The following LRMDA variants were observed in gnomAD, a reference collection of about 807,000 sequenced individuals.
LRMDA encodes leucine-rich melanocyte differentiation-associated protein.
A neutral mutation model predicts 29.8 loss-of-function variants in LRMDA; 18 were observed. That is an observed-to-expected ratio of 0.60 (90% CI 0.42 to 0.90). LRMDA has a LOEUF of 0.90. LRMDA is among the 40% of genes least tolerant of loss of function. LRMDA has a pLI of 0.00. For missense variants in LRMDA, 273 were observed against 273.9 expected (o/e 1.00, Z 0.02); for synonymous variants, 125 against 109.4 (o/e 1.14, Z -0.89).
chr10:75,923,761 C>T (rs887975803), intron 2 of LRMDA, among the ~76,000 whole-genome samples: 2 of 152,154 alleles, frequency 1.3e-5, no homozygotes, highest in Non-Finnish European at 2.9e-5. Flanking sequence ...TAAGACTCCT[C>T]TGTGTGTGAC....
At chr10:75,803,593 A>G (rs533651107) in intron 2 of LRMDA, among the ~76,000 whole-genome samples, 2 of 152,340 alleles carry the variant, frequency 1.3e-5, no homozygotes, top group South Asian at 2.1e-4. Flanking sequence ...CTCACCTGTG[A>G]GATGGGTTAG....
intron 5 of LRMDA, among the ~76,000 whole-genome samples, chr10:76,116,775 G>A (rs946435889): frequency 6.6e-6 from 1 of 152,112 alleles, no homozygotes; most frequent in Admixed American, 6.5e-5. Flanking sequence ...TTACATTAAA[G>A]GGAAACTGGT....
intron 5 of LRMDA, among the ~76,000 whole-genome samples, chr10:76,099,524 A>C (rs1849364674): frequency 6.9e-6 from 1 of 145,344 alleles, no homozygotes; most frequent in Non-Finnish European, 1.5e-5. Context: ...ATTCTTTACT[A>C]GTGTAAGCAT....
At chr10:75,742,601 G>T (rs915481139) in intron 2 of LRMDA, 10 of 152,246 alleles carry the variant, frequency 6.6e-5, no homozygotes, top group African/African-American at 2.4e-4. Flanking sequence ...TCTTACAGAA[G>T]CCTCTGGAAG....
At chr10:75,519,646 T>C (rs1054225617) in intron 2 of LRMDA, among the ~76,000 whole-genome samples, 4 of 152,246 alleles carry the variant, frequency 2.6e-5, no homozygotes, top group African/African-American at 9.6e-5. Context: ...TTTGCCAGTC[T>C]GTGTCTTTTA....
At chr10:76,088,119 C>T (rs1207501298) in intron 5 of LRMDA, among the ~76,000 whole-genome samples, 1 of 152,124 alleles carries the variant, frequency 6.6e-6, no homozygotes, top group African/African-American at 2.4e-5. Context: ...CACACAAAGT[C>T]TCACAGACAC....
intron 6 of LRMDA, among the ~76,000 whole-genome samples, chr10:76,376,865 CTTTTTTTTTTTTTTTTTTTTTTTTTT>C (rs71024600): frequency 6.3e-5 from 3 of 47,374 alleles, no homozygotes; most frequent in African/African-American, 8.8e-5. Flanking sequence ...ACTTGGAAGT[CTTTTTTTTTTTTTTTTTTTTTTTTTT>C]TTTTTTTTTT....
At chr10:75,924,631 G>A (rs538299631) in intron 2 of LRMDA, among the ~76,000 whole-genome samples, 10 of 151,214 alleles carry the variant, frequency 6.6e-5, no homozygotes, top group East Asian at 3.9e-4. Context: ...CTGTCAGAGC[G>A]GGAAAGTGGC....
At chr10:76,027,979 A>G (rs1347155431) in intron 2 of LRMDA, among the ~76,000 whole-genome samples, 2 of 152,204 alleles carry the variant, frequency 1.3e-5, no homozygotes, top group African/African-American at 2.4e-5. Flanking sequence ...TGTAAATGCT[A>G]TAGTGAACAT....
At chr10:75,690,969 T>TAAAA (rs1191387195) in intron 2 of LRMDA, among the ~76,000 whole-genome samples, 14 of 96,676 alleles carry the variant, frequency 1.4e-4, no homozygotes, top group African/African-American at 6.4e-4. Context: ...CCCTGTCTCT[T>TAAAA]AAAAAAAAAA....
At chr10:75,806,942 A>G (rs1843865248) in intron 2 of LRMDA, among the ~76,000 whole-genome samples, 1 of 152,162 alleles carries the variant, frequency 6.6e-6, no homozygotes, top group Non-Finnish European at 1.5e-5. Flanking sequence ...CCAATTCAGA[A>G]GGTACTTCCC....
chr10:76,326,086 A>C (rs1338800913), intron 6 of LRMDA, among the ~76,000 whole-genome samples: 1 of 152,218 alleles, frequency 6.6e-6, no homozygotes, highest in Non-Finnish European at 1.5e-5. Context: ...CACATTTAAC[A>C]TGTTGGTTGC....
chr10:76,232,473 A>G (rs1278598248), intron 5 of LRMDA, among the ~76,000 whole-genome samples: 1 of 152,218 alleles, frequency 6.6e-6, no homozygotes, highest in Non-Finnish European at 1.5e-5. Flanking sequence ...GAGAGGGGGA[A>G]TGCAGACAAC....
intron 5 of LRMDA, among the ~76,000 whole-genome samples, chr10:76,104,995 A>G (rs1249629662): frequency 6.6e-6 from 1 of 152,076 alleles, no homozygotes; most frequent in Non-Finnish European, 1.5e-5. Flanking sequence ...CTTCTCTCAG[A>G]TATCCACTTG....
chr10:75,914,457 A>G (rs1396288691), intron 2 of LRMDA, among the ~76,000 whole-genome samples: 1 of 152,230 alleles, frequency 6.6e-6, no homozygotes, highest in Middle Eastern at 3.2e-3. Context: ...AAGTACATAA[A>G]ATTTTCATTT....
intron 2 of LRMDA, among the ~76,000 whole-genome samples, chr10:75,581,261 G>T (rs893514817): frequency 1.3e-5 from 2 of 152,114 alleles, no homozygotes; most frequent in African/African-American, 4.8e-5. Flanking sequence ...TGAAGTATAT[G>T]AACAGACACT....
At chr10:75,667,169 T>C (rs935569468) in intron 2 of LRMDA, among the ~76,000 whole-genome samples, 1 of 152,196 alleles carries the variant, frequency 6.6e-6, no homozygotes, top group African/African-American at 2.4e-5. Context: ...ATTTCTCTAC[T>C]TTCTTCACTC....
intron 2 of LRMDA, among the ~76,000 whole-genome samples, chr10:75,705,863 TCTTTA>T (rs143461004): frequency 0.035 from 5,402 of 152,324 alleles, 243 homozygotes; most frequent in African/African-American, 0.11. Flanking sequence ...TCATTTAGCT[TCTTTA>T]CTTTTGCATT....
At chr10:75,609,066 A>G (rs1220289803) in intron 2 of LRMDA, among the ~76,000 whole-genome samples, 1 of 152,182 alleles carries the variant, frequency 6.6e-6, no homozygotes, top group Non-Finnish European at 1.5e-5. Context: ...TGGAGCTTGC[A>G]CAGCACCTAA....
Sources: gnomAD v4.1 joint callset for allele counts (sites outside exome capture counted in the v4.1 genomes callset) on GRCh38, gnomAD v4.1.1 for gene constraint, MANE v1.5 for transcripts, NCBI Gene and HGNC (gene_info 2026-07-23, HGNC 2026-07-21) for gene names.